Variants in NUDT3 observed in about 807,000 individuals in gnomAD.
NUDT3 encodes nudix hydrolase 3, also known as diphosphoinositol polyphosphate phosphohydrolase 1.
A neutral mutation model predicts 23.6 loss-of-function variants in NUDT3; 9 were observed. That is an observed-to-expected ratio of 0.38 (90% CI 0.23 to 0.66). NUDT3 has a LOEUF of 0.66. Ranked by LOEUF, NUDT3 falls within the 30% of genes least tolerant of loss-of-function variation. The pLI is 0.52. For synonymous variants in NUDT3, 86 were observed against 82.6 expected (o/e 1.04, Z -0.22); for missense variants, 172 against 218.5 (o/e 0.79, Z 1.34).
intron 1 of NUDT3, among the ~76,000 whole-genome samples, chr6:34,358,262 C>CAT (rs925931851): frequency 2.7e-5 from 4 of 148,436 alleles, no homozygotes; most frequent in African/African-American, 1.0e-4. Flanking sequence ...GTAGTTTACA[C>CAT]ACACACACAC....
intron 1 of NUDT3, among the ~76,000 whole-genome samples, chr6:34,390,534 T>C (rs1765180890): frequency 6.6e-6 from 1 of 152,088 alleles, no homozygotes; most frequent in Admixed American, 6.5e-5. Context: ...GATTTATTAT[T>C]ATTATTTTTT....
At chr6:34,315,406 G>C (rs1763843290) in intron 2 of NUDT3, among the ~76,000 whole-genome samples, 1 of 152,112 alleles carries the variant, frequency 6.6e-6, no homozygotes, top group Non-Finnish European at 1.5e-5. Context: ...GAGATGAACG[G>C]TTTATTTGAA....
In NUDT3 at chr6:34,281,828, C is replaced by A. The variant is rs1763283673; in HGVS notation, c.*6925G>T. 1 of 152,286 alleles carries A rather than the reference C, an allele frequency of 6.6e-6. No homozygotes were observed. Among genetic ancestry groups the A allele is most frequent in the East Asian group, 1.9e-4 (1 of 5,192 alleles). The allele number at this position is 152,286 out of a possible 1,614,324, so 9.4% of individuals were successfully genotyped here. ...AGAAAATTCTGAGCAAACATGCTCC[C>A]AGTCACGAGGGATGGGGTGAGCGGG... On this transcript the variant is annotated 3_prime_UTR_variant, in exon 5 of 5. Transcript: ENST00000607016.
chr6:34,344,130 T>C (rs947699075), intron 1 of NUDT3, among the ~76,000 whole-genome samples: 3 of 152,314 alleles, frequency 2.0e-5, no homozygotes, highest in Admixed American at 2.0e-4. Flanking sequence ...GGAAACAATT[T>C]GGTTGTTCCT....
intron 1 of NUDT3, among the ~76,000 whole-genome samples, chr6:34,386,222 A>G (rs369983565): frequency 1.3e-5 from 2 of 152,216 alleles, no homozygotes; most frequent in East Asian, 1.9e-4. Context: ...TCAGGTTCAA[A>G]CTACTGTAAT....
intron 2 of NUDT3, among the ~76,000 whole-genome samples, chr6:34,303,275 A>AAT (rs1460850054): frequency 6.8e-6 from 1 of 148,082 alleles, no homozygotes; most frequent in Non-Finnish European, 1.5e-5. Context: ...CAGAACCAGA[A>AAT]ATATTCAGCT....
At position 34,341,846 on chromosome 6, in the gene NUDT3, T is replaced by C; in HGVS notation, c.210+16A>G. On this transcript the variant is annotated intron_variant, in intron 2 of 4. Transcript: ENST00000607016. The stretch of plus-strand genomic sequence containing the variant: ...GATGACGAGGCACAGCTGTGCCCTC[T>C]CTTCTCCATGCATACCTCCTCACAG... 6.2e-7 allele frequency: 1 copy of C among 1,612,086 alleles called. No homozygotes were observed. Among genetic ancestry groups the C allele is most frequent in the Non-Finnish European group, 8.5e-7 (1 of 1,178,686 alleles).
At chr6:34,320,412 T>C (rs1763923457) in intron 2 of NUDT3, among the ~76,000 whole-genome samples, 2 of 152,054 alleles carry the variant, frequency 1.3e-5, no homozygotes, top group Non-Finnish European at 2.9e-5. Context: ...TTTTTAGAGA[T>C]AGGGTTTCAC....
chr6:34,362,349 T>A (rs1378581082), intron 1 of NUDT3, among the ~76,000 whole-genome samples: 2 of 152,106 alleles, frequency 1.3e-5, no homozygotes, highest in African/African-American at 4.8e-5. Context: ...TGGCTAATTT[T>A]ATTTTTTGTA....
At position 34,392,406 on chromosome 6, in the gene NUDT3, A is replaced by G; in HGVS notation, c.-44T>C. 6.7e-7 allele frequency: 1 copy of G among 1,483,746 alleles called. No individual in the cohort carries two copies. The highest frequency in any genetic ancestry group is 9.2e-7 in the Non-Finnish European group (1 of 1,087,644). 91.9% of individuals were successfully genotyped at this position (1,483,746 alleles called of 1,614,324 possible). ...GGTGCGGTGCGGGTCGCAGGAGTCGAGGGGTGGGGAGCCCGCTCTGGACGG... is the reference window on the plus strand; with the variant it reads ...GGTGCGGTGCGGGTCGCAGGAGTCGGGGGGTGGGGAGCCCGCTCTGGACGG... On this transcript the variant is annotated 5_prime_UTR_variant, in exon 1 of 5. Coordinates refer to ENST00000607016, the MANE Select transcript of NUDT3 (RefSeq NM_006703.4).
At chr6:34,392,047 G>A (rs1765211966) in intron 1 of NUDT3, among the ~76,000 whole-genome samples, 1 of 152,146 alleles carries the variant, frequency 6.6e-6, no homozygotes, top group South Asian at 2.1e-4. Context: ...CCCTCCGCCC[G>A]GCGCGCCCTG....
chr6:34,323,132 T>A (rs974751150), intron 2 of NUDT3, among the ~76,000 whole-genome samples: 1 of 152,170 alleles, frequency 6.6e-6, no homozygotes, highest in African/African-American at 2.4e-5. Flanking sequence ...AAACAACCCA[T>A]CAGGTATTAT....
rs774932694 is a variant in NUDT3 at position 34,392,408 on chromosome 6, G to A, written c.-46C>T. 37 of 1,491,766 alleles carry A rather than the reference G, an allele frequency of 2.5e-5. No individual in the cohort carries two copies. Among genetic ancestry groups the A allele is most frequent in the Admixed American group, 9.2e-5 (5 of 54,138 alleles). 92.4% of individuals were successfully genotyped at this position (1,491,766 alleles called of 1,614,324 possible). On this transcript the variant is annotated 5_prime_UTR_variant, in exon 1 of 5. Coordinates refer to ENST00000607016, the MANE Select transcript of NUDT3 (RefSeq NM_006703.4). ...TGCGGTGCGGGTCGCAGGAGTCGAG[G>A]GGTGGGGAGCCCGCTCTGGACGGCC...
chr6:34,293,030 T>C (rs1476192637), intron 4 of NUDT3, among the ~76,000 whole-genome samples: 3 of 152,202 alleles, frequency 2.0e-5, no homozygotes, highest in Non-Finnish European at 4.4e-5. Context: ...ATCCTTCAAT[T>C]ATTTCTATTC....
At chr6:34,291,661 C>T (rs185901069) in intron 4 of NUDT3, among the ~76,000 whole-genome samples, 8 of 152,064 alleles carry the variant, frequency 5.3e-5, no homozygotes, top group Admixed American at 4.6e-4. Flanking sequence ...TGCCACCATG[C>T]CTGGCTAATT....
chr6:34,358,004 C>CT (rs1459355670), intron 1 of NUDT3, among the ~76,000 whole-genome samples: 1 of 152,094 alleles, frequency 6.6e-6, no homozygotes, highest in Non-Finnish European at 1.5e-5. Context: ...TCCAACTATA[C>CT]TTTTTTCCAG....
chr6:34,354,160 C>T (rs1405054002), intron 1 of NUDT3, among the ~76,000 whole-genome samples: 3 of 151,858 alleles, frequency 2.0e-5, no homozygotes, highest in South Asian at 2.1e-4. Context: ...TCAGGTGACC[C>T]GCCCGCCTCG....
chr6:34,334,747 T>C (rs1241339056), intron 2 of NUDT3, among the ~76,000 whole-genome samples: 3 of 151,876 alleles, frequency 2.0e-5, no homozygotes, highest in Non-Finnish European at 2.9e-5. Context: ...CTCGGCAACA[T>C]AGCAAGACAC....
chr6:34,372,641 T>C (rs1359154951), intron 1 of NUDT3, among the ~76,000 whole-genome samples: 1 of 151,870 alleles, frequency 6.6e-6, no homozygotes, highest in Non-Finnish European at 1.5e-5. Context: ...CCCATTTGTA[T>C]TAAAAATACA....
Sources: gnomAD v4.1 joint callset for allele counts (sites outside exome capture counted in the v4.1 genomes callset) on GRCh38, gnomAD v4.1.1 for gene constraint, MANE v1.5 for transcripts, NCBI Gene and HGNC (gene_info 2026-07-23, HGNC 2026-07-21) for gene names.